Variants in ADGRL3 observed in about 807,000 individuals in gnomAD.
ADGRL3 encodes the protein calcium-independent alpha-latrotoxin receptor 3.
ADGRL3 carries 62 observed loss-of-function variants against 153.5 expected under a neutral mutation model. That is an observed-to-expected ratio of 0.40 (90% CI 0.33 to 0.50). The LOEUF (loss-of-function observed/expected upper bound fraction) is 0.50. Ranked by LOEUF, ADGRL3 falls within the 20% of genes least tolerant of loss-of-function variation. ADGRL3 has a pLI of 0.47. For synonymous variants in ADGRL3, 710 were observed against 672.5 expected, an observed-to-expected ratio of 1.06 and a Z score of -0.86; for missense variants, 1,641 against 1,859.4, an observed-to-expected ratio of 0.88 and a Z score of 2.16.
At chr4:61,373,258 C>T (rs763035384) in intron 1 of ADGRL3, among the ~76,000 whole-genome samples, 16 of 152,252 alleles carry the variant, frequency 1.1e-4, no homozygotes, top group African/African-American at 2.2e-4. Flanking sequence ...CTAACTCTGT[C>T]GCTTTTTCTA....
intron 6 of ADGRL3, among the ~76,000 whole-genome samples, chr4:61,726,259 C>T (rs144331994): frequency 0.024 from 3,206 of 135,304 alleles, 79 homozygotes; most frequent in East Asian, 0.09. Flanking sequence ...AGTGCAGTGG[C>T]GCGATCTTGG....
intron 1 of ADGRL3, among the ~76,000 whole-genome samples, chr4:61,378,695 T>C (rs561580546): frequency 3.9e-5 from 6 of 152,004 alleles, no homozygotes; most frequent in Non-Finnish European, 8.8e-5. Context: ...ATACAAAAAT[T>C]GTATTCATCC....
At chr4:61,501,738 A>G (rs572258645) in intron 3 of ADGRL3, among the ~76,000 whole-genome samples, 7 of 152,326 alleles carry the variant, frequency 4.6e-5, no homozygotes, top group African/African-American at 1.7e-4. Flanking sequence ...AATTCTGATA[A>G]TGTTTAGGTT....
intron 5 of ADGRL3, among the ~76,000 whole-genome samples, chr4:61,627,983 G>A (rs370598838): frequency 6.6e-6 from 1 of 152,118 alleles, no homozygotes; most frequent in African/African-American, 2.4e-5. Flanking sequence ...CAATAACAAG[G>A]ATGCTTGGAC....
intron 1 of ADGRL3, among the ~76,000 whole-genome samples, chr4:61,241,542 ATTC>A (rs1471202051): frequency 1.3e-5 from 2 of 152,174 alleles, no homozygotes; most frequent in South Asian, 2.1e-4. Flanking sequence ...AAATAAATTA[ATTC>A]TTATTTCATA....
intron 5 of ADGRL3, among the ~76,000 whole-genome samples, chr4:61,614,952 TTTAAAAGAAA>T (rs1329844511): frequency 1.3e-5 from 2 of 152,266 alleles, no homozygotes; most frequent in Non-Finnish European, 2.9e-5. Context: ...TAAGCAACAT[TTTAAAAGAAA>T]TAAGTATAGG....
At position 61,464,515 on chromosome 4, in the gene ADGRL3, A is replaced by G. The variant is rs189750900; in HGVS notation, c.-173-32606A>G. ...ATATTTTGAAATATTAATTTACTCC[A>G]GAAATCTCTTGCATTTAATTCAGAC... On this transcript the variant is annotated intron_variant, in intron 2 of 26. Transcript: ENST00000683033. Among the ~76,000 whole-genome samples, 3 of 152,334 alleles carry G rather than the reference A, an allele frequency of 2.0e-5. No homozygotes were observed. In the East Asian group the frequency reaches 5.8e-4, roughly 29 times the overall value.
At chr4:61,298,445 A>G (rs1381043227) in intron 1 of ADGRL3, among the ~76,000 whole-genome samples, 1 of 152,196 alleles carries the variant, frequency 6.6e-6, no homozygotes, top group Non-Finnish European at 1.5e-5. Flanking sequence ...TCATTAAACA[A>G]AAGCCTTTTT....
At chr4:61,463,974 G>A (rs1579008237) in intron 2 of ADGRL3, among the ~76,000 whole-genome samples, 1 of 152,214 alleles carries the variant, frequency 6.6e-6, no homozygotes, top group East Asian at 1.9e-4. Flanking sequence ...TTACTGCAGG[G>A]CTCAACAGAC....
chr4:61,261,184 T>A (rs1345783443), intron 1 of ADGRL3, among the ~76,000 whole-genome samples: 1 of 68,642 alleles, frequency 1.5e-5, no homozygotes, highest in Non-Finnish European at 2.8e-5. Context: ...CTTTTTCATC[T>A]TCTTCTTTTT....
At position 61,573,126 on chromosome 4, in the gene ADGRL3, A is replaced by T. The variant is rs372982949; in HGVS notation, c.260-14101A>T. On this transcript the variant is annotated intron_variant, in intron 4 of 26. Transcript: ENST00000683033. ...ATTCAACACCAACAGTGTGCTAAGC[A>T]TAGTGTAAGGTATTGCTATCCAGCA... is the stretch of plus-strand genomic sequence containing the variant. 2.6e-4 allele frequency among the ~76,000 whole-genome samples: 40 copies of T among 152,166 alleles called. 1 individual carries two copies. Among genetic ancestry groups the T allele is most frequent in the African/African-American group, 9.4e-4 (39 of 41,582 alleles).
At chr4:61,863,429 A>G (rs958322932) in intron 9 of ADGRL3, among the ~76,000 whole-genome samples, 16 of 151,180 alleles carry the variant, frequency 1.1e-4, no homozygotes, top group African/African-American at 3.2e-4. Context: ...AGTAGAGACG[A>G]GGTTTCACCG....
chr4:61,385,779 A>G (rs898958332), intron 2 of ADGRL3: 2 of 152,202 alleles, frequency 1.3e-5, no homozygotes, highest in Non-Finnish European at 2.9e-5. Context: ...CAAATAAACT[A>G]TTATATATTC....
intron 17 of ADGRL3, among the ~76,000 whole-genome samples, chr4:61,961,748 G>T: frequency 6.6e-6 from 1 of 151,800 alleles, no homozygotes; most frequent in East Asian, 1.9e-4. Context: ...ACCAACTTGT[G>T]GTATATCTTC....
chr4:61,320,252 C>T (rs935936557), intron 1 of ADGRL3, among the ~76,000 whole-genome samples: 10 of 152,170 alleles, frequency 6.6e-5, no homozygotes, highest in Non-Finnish European at 1.5e-4. Flanking sequence ...TCCAGGCCGA[C>T]TAATGTACCT....
At chr4:61,429,365 A>T in intron 2 of ADGRL3, among the ~76,000 whole-genome samples, 1 of 152,180 alleles carries the variant, frequency 6.6e-6, no homozygotes, top group East Asian at 1.9e-4. Context: ...CAAACTTAAA[A>T]GTTAAAGGTG....
chr4:61,438,476 A>G (rs2097482068), intron 2 of ADGRL3, among the ~76,000 whole-genome samples: 1 of 151,644 alleles, frequency 6.6e-6, no homozygotes, highest in Non-Finnish European at 1.5e-5. Flanking sequence ...GTGATAGTAC[A>G]CTAAGTACTA....
intron 1 of ADGRL3, among the ~76,000 whole-genome samples, chr4:61,283,749 A>T (rs1011556106): frequency 3.9e-5 from 6 of 152,110 alleles, no homozygotes; most frequent in Non-Finnish European, 7.4e-5. Flanking sequence ...CTCAGAGACT[A>T]AATTTATCCT....
At chr4:62,011,381 G>A (rs950799684) in intron 21 of ADGRL3, among the ~76,000 whole-genome samples, 1 of 152,054 alleles carries the variant, frequency 6.6e-6, no homozygotes, top group Non-Finnish European at 1.5e-5. Context: ...ACGATTCAAT[G>A]TTAATAAACT....
Sources: allele counts gnomAD v4.1 joint callset (sites outside exome capture counted in the v4.1 genomes callset), GRCh38; gene constraint gnomAD v4.1.1; transcripts MANE v1.5; gene names NCBI Gene and HGNC (gene_info 2026-07-23, HGNC 2026-07-21).